IRS1: variants seen among roughly 807,000 people sequenced by gnomAD.
IRS1 encodes insulin receptor substrate 1.
In IRS1, 34 loss-of-function variants were observed where a neutral mutation model predicts 65.6. The observed-to-expected ratio is 0.52, with a 90% CI of 0.39 to 0.69. The LOEUF (loss-of-function observed/expected upper bound fraction) is 0.69. IRS1 is among the 30% of genes least tolerant of loss of function. The probability of loss-of-function intolerance (pLI) is 0.00; values close to 1 mark genes in which losing one functional copy is unlikely to be tolerated. For missense variants in IRS1, 1,641 were observed against 1,720.2 expected, an observed-to-expected ratio of 0.95 and a Z score of 0.81; for synonymous variants, 699 against 683.5, an observed-to-expected ratio of 1.02 and a Z score of -0.35.
In IRS1 at chr2:226,794,043, C is replaced by T. The variant is rs1370995156; in HGVS notation, c.*21+946G>A. Reference sequence around the variant, plus strand: ...TACAGTTTAGCCCTTCTACTCAATGCAAAACAAAACAAATTAAGGCATGTT... The same window carrying T: ...TACAGTTTAGCCCTTCTACTCAATGTAAAACAAAACAAATTAAGGCATGTT... On this transcript the variant is annotated intron_variant, in intron 1 of 1. Coordinates refer to ENST00000305123, the MANE Select transcript of IRS1 (RefSeq NM_005544.3). The surrounding 1 kb of genome is among the most constrained non-coding windows in gnomAD (Gnocchi z 4.1). 6.6e-6 allele frequency among the ~76,000 whole-genome samples: 1 copy of T among 152,138 alleles called. No individual in the cohort carries two copies. The highest frequency in any genetic ancestry group is 2.4e-5 in the African/African-American group (1 of 41,418).
At chr2:226,760,842 A>G (rs570612326) in intron 1 of IRS1, among the ~76,000 whole-genome samples, 1 of 152,230 alleles carries the variant, frequency 6.6e-6, no homozygotes, top group Non-Finnish European at 1.5e-5. Flanking sequence ...TTGAAAAGAT[A>G]TTGCAAGAAA....
intron 1 of IRS1, among the ~76,000 whole-genome samples, chr2:226,772,620 T>A (rs1939185800): frequency 6.6e-6 from 1 of 151,236 alleles, no homozygotes; most frequent in Admixed American, 6.6e-5. Context: ...GACAGGACCT[T>A]ATCAAGACAG....
Position 226,736,090 on chromosome 2 carries a change from G to A in IRS1, c.*182C>T, listed in dbSNP as rs1938318063. The A allele has an allele frequency of 6.6e-6, 1 of 152,340 alleles. No individual in the cohort carries two copies. Among genetic ancestry groups the A allele is most frequent in the South Asian group, 2.1e-4 (1 of 4,822 alleles). 9.4% of individuals were successfully genotyped at this position (152,340 alleles called of 1,614,324 possible). On this transcript the variant is annotated 3_prime_UTR_variant, in exon 2 of 2. Transcript: ENST00000305123. ...ATATAGAACGTGCAGTTCAGTCAAT[G>A]AAATCCTGAGGATTGGATAAAGTAA... is the stretch of plus-strand genomic sequence containing the variant.
In IRS1 at chr2:226,731,847, A is replaced by C. The variant is rs558750343; in HGVS notation, c.*4425T>G. On this transcript the variant is annotated 3_prime_UTR_variant, in exon 2 of 2. Coordinates refer to ENST00000305123, the MANE Select transcript of IRS1 (RefSeq NM_005544.3). ...TGAAGTTCTAAAAAGAAAAAGAAAA[A>C]AAAAACCCTACAAATGTCTATGCAA... 9 of 152,298 alleles carry C rather than the reference A, an allele frequency of 5.9e-5. No homozygotes were observed. The highest frequency in any genetic ancestry group is 9.6e-5 in the African/African-American group (4 of 41,562). The allele number at this position is 152,298 out of a possible 1,614,324, so 9.4% of individuals were successfully genotyped here.
intron 1 of IRS1, among the ~76,000 whole-genome samples, chr2:226,786,221 T>A (rs935819705): frequency 5.3e-5 from 8 of 151,810 alleles, no homozygotes; most frequent in Non-Finnish European, 7.4e-5. Flanking sequence ...CGTGTGTCTT[T>A]ATAGCAGCAT....
At chr2:226,764,419 C>A (rs900423179) in intron 1 of IRS1, among the ~76,000 whole-genome samples, 1 of 151,980 alleles carries the variant, frequency 6.6e-6, no homozygotes, top group Non-Finnish European at 1.5e-5. Flanking sequence ...TGGTGCTCAT[C>A]GTAGTCCAAG....
At chr2:226,741,039 T>C (rs1407650401) in intron 1 of IRS1, among the ~76,000 whole-genome samples, 1 of 152,040 alleles carries the variant, frequency 6.6e-6, no homozygotes, top group Non-Finnish European at 1.5e-5. Flanking sequence ...AGAAAATGTA[T>C]AAAATACAGG....
At position 226,732,556 on chromosome 2, in the gene IRS1, CTA is replaced by C. The variant is rs1340076355; in HGVS notation, c.*3714_*3715del. ...TATATCTATATATGTGTATATATAT[CTA>C]TATATGTGTGTATATATCTATATAT... On this transcript the variant is annotated 3_prime_UTR_variant, in exon 2 of 2. Transcript: ENST00000305123. 9 of 144,898 alleles carry C rather than the reference CTA, an allele frequency of 6.2e-5. No individual in the cohort carries two copies. The highest frequency in any genetic ancestry group is 2.0e-4 in the East Asian group (1 of 5,022). The allele number at this position is 144,898 out of a possible 1,614,324, so 9.0% of individuals were successfully genotyped here. A position where few individuals can be genotyped will look rare whatever the true frequency, so the allele number is the denominator to read the frequency against.
At position 226,799,311 on chromosome 2, in the gene IRS1, A is replaced by G; in HGVS notation, c.-573T>C. ...CCCCCCAACCGTCCCAGCCGCCACC[A>G]GCCGCCCAAATACCAGCTCAGTCGC... is the stretch of plus-strand genomic sequence containing the variant. On this transcript the variant is annotated 5_prime_UTR_variant, in exon 1 of 2. Transcript: ENST00000305123. This position sits in a 1 kb window ranked among gnomAD's most constrained non-coding sequence, Gnocchi z 6.1. The G allele has an allele frequency of 2.5e-6, 3 of 1,205,940 alleles. No individual in the cohort carries two copies. Among genetic ancestry groups the G allele is most frequent in the Non-Finnish European group, 3.2e-6 (3 of 941,938 alleles). 74.7% of individuals were successfully genotyped at this position (1,205,940 alleles called of 1,614,324 possible). A position where few individuals can be genotyped will look rare whatever the true frequency, so the allele number is the denominator to read the frequency against.
At chr2:226,738,217 G>A (rs540751863) in intron 1 of IRS1, among the ~76,000 whole-genome samples, 1 of 152,310 alleles carries the variant, frequency 6.6e-6, no homozygotes, top group East Asian at 1.9e-4. Context: ...ACGTAAGTGT[G>A]GACCGATATA....
At position 226,795,520 on chromosome 2, in the gene IRS1, G is replaced by A. The variant is rs761486707; in HGVS notation, c.3219C>T (p.Thr1073=). ...TGCGGTTAGGACTGAGGTTCACCCG[G>A]GTGAAGGCGCTCATGCCCCCAGGTC... The part of the protein sequence containing the change: ...PQGPGGMSAF[T]RVNLSPNRNQ... The change falls in exon 1 of 2, where the codon ACC becomes ACT. Residue 1073 remains threonine, a synonymous_variant. Coordinates refer to ENST00000305123, the MANE Select transcript of IRS1 (RefSeq NM_005544.3). The A allele has an allele frequency of 5.6e-6, 9 of 1,613,366 alleles. No individual in the cohort carries two copies. Among genetic ancestry groups the A allele is most frequent in the Non-Finnish European group, 7.6e-6 (9 of 1,180,014 alleles).
In IRS1 at chr2:226,796,775, T is replaced by C; in HGVS notation, c.1964A>G (p.Gln655Arg). Reference sequence around the variant, plus strand: ...CATGTAGCCATTGGGGTCCACTCTCTGGGGATGGCGTCTGATGGGATTGAT... The same window carrying C: ...CATGTAGCCATTGGGGTCCACTCTCCGGGGATGGCGTCTGATGGGATTGAT... ...QIINPIRRHP[Q>R]RVDPNGYMMM... is the part of the protein sequence containing the mutation. The change falls in exon 1 of 2, where the codon CAG (glutamine) becomes CGG (arginine). Residue 655 changes from glutamine to arginine, a missense_variant. By Grantham distance (43) the Gln-to-Arg change is conservative. This residue lies in a region of IRS1 where 1,324 missense variants were observed against 1,361.0 expected (regional missense o/e 0.97). Coordinates refer to ENST00000305123, the MANE Select transcript of IRS1 (RefSeq NM_005544.3). 6.3e-7 allele frequency: 1 copy of C among 1,593,102 alleles called. No individual in the cohort carries two copies. The highest frequency in any genetic ancestry group is 8.6e-7 in the Non-Finnish European group (1 of 1,168,226).
chr2:226,738,575 C>T (rs1286373319), intron 1 of IRS1, among the ~76,000 whole-genome samples: 2 of 152,124 alleles, frequency 1.3e-5, no homozygotes, highest in African/African-American at 4.8e-5. Flanking sequence ...CCTTTAATTG[C>T]CAGAGAAACA....
In IRS1 at chr2:226,797,722, T is replaced by C; in HGVS notation, c.1017A>G (p.Pro339=). 1 of 1,597,878 alleles carries C rather than the reference T, an allele frequency of 6.3e-7. No individual in the cohort carries two copies. The change falls in exon 1 of 2, where the codon CCA becomes CCG. Residue 339 remains proline, a synonymous_variant. Coordinates refer to ENST00000305123, the MANE Select transcript of IRS1 (RefSeq NM_005544.3). The surrounding 1 kb of genome is among the most constrained non-coding windows in gnomAD (Gnocchi z 8.1). Reference sequence around the variant, plus strand: ...TCACAGGGCTGCCGTCCACCGAGGCTGGGCGGGACATGGTGCCTTCGCCGT... The same window carrying C: ...TCACAGGGCTGCCGTCCACCGAGGCCGGGCGGGACATGGTGCCTTCGCCGT... ...SSDGEGTMSR[P]ASVDGSPVSP...
In IRS1 at chr2:226,798,625, A is replaced by G; in HGVS notation, c.114T>C (p.Ala38=). 1 of 1,612,946 alleles carries G rather than the reference A, an allele frequency of 6.2e-7. No homozygotes were observed. The change falls in exon 1 of 2, where the codon GCT becomes GCC. Residue 38 remains alanine, a synonymous_variant. Transcript: ENST00000305123. The surrounding 1 kb of genome is among the most constrained non-coding windows in gnomAD (Gnocchi z 9.4). ...RFFVLRAASE[A]GGPARLEYYE... is the part of the protein sequence containing the mutation. ...AGTACTCGAGGCGCGCCGGGCCCCCAGCCTCGCTGGCCGCGCGCAGTACGA... is the reference window on the plus strand; with the variant it reads ...AGTACTCGAGGCGCGCCGGGCCCCCGGCCTCGCTGGCCGCGCGCAGTACGA...
intron 1 of IRS1, among the ~76,000 whole-genome samples, chr2:226,789,215 T>C (rs1939544862): frequency 6.6e-6 from 1 of 152,138 alleles, no homozygotes; most frequent in African/African-American, 2.4e-5. Flanking sequence ...CTGATTATAG[T>C]GAGAGGATTG....
At position 226,796,179 on chromosome 2, in the gene IRS1, G is replaced by A. The variant is rs201638994; in HGVS notation, c.2560C>T (p.Arg854Cys). 1.3e-4 allele frequency: 217 copies of A among 1,613,714 alleles called. No individual in the cohort carries two copies. Among genetic ancestry groups the A allele is most frequent in the Admixed American group, 3.8e-4 (23 of 60,024 alleles). ...KVDTAAQTNS[R>C]LARPTRLSLG... ...GACAGCCTCGTGGGCCGGGCCAGGCGGCTATTGGTCTGAGCAGCTGTGTCC... is the reference window on the plus strand; with the variant it reads ...GACAGCCTCGTGGGCCGGGCCAGGCAGCTATTGGTCTGAGCAGCTGTGTCC... Residue 854 changes from arginine to cysteine, a missense_variant, in exon 1 of 2, where the codon CGC becomes TGC. Physicochemically the swap from Arg to Cys is radical, Grantham distance 180. Transcript: ENST00000305123.
Position 226,797,339 on chromosome 2 carries a change from C to T in IRS1, c.1400G>A (p.Cys467Tyr), listed in dbSNP as rs764398926. 1.9e-6 allele frequency: 3 copies of T among 1,613,382 alleles called. No homozygotes were observed. The highest frequency in any genetic ancestry group is 2.2e-5 in the South Asian group (2 of 91,068). The change falls in exon 1 of 2, where the codon TGC becomes TAC. Residue 467 changes from cysteine to tyrosine, a missense_variant. Around this residue, in one of 3 missense-constraint regions of IRS1, gnomAD observed 1,324 missense variants for 1,361.0 expected, o/e 0.97. Transcript: ENST00000305123. This position sits in a 1 kb window ranked among gnomAD's most constrained non-coding sequence, Gnocchi z 8.1. The part of the protein sequence containing the change: ...RGEEELSNYI[C>Y]MGGKGPSTLT... ...GGTGGAGGGCCCCTTGCCACCCATG[C>T]AGATATAGTTGCTTAGCTCCTCCTC...
Position 226,797,418 on chromosome 2 carries a change from A to C in IRS1, c.1321T>G (p.Ser441Ala). ...GAATCCGGAGTGACACTGCGGAAGG[A>C]ACTCCGGAAATCGCAGGGACTGGAG... is the stretch of plus-strand genomic sequence containing the variant. ...YGSSPCDFRS[S>A]FRSVTPDSLG... Residue 441 changes from serine (S) to alanine (A), a missense_variant, in exon 1 of 2, where the codon TCC (serine) becomes GCC (alanine). Physicochemically the swap from Ser to Ala is moderately conservative, Grantham distance 99. Transcript: ENST00000305123. The surrounding 1 kb of genome is among the most constrained non-coding windows in gnomAD (Gnocchi z 8.1). 1 of 1,612,836 alleles carries C rather than the reference A, an allele frequency of 6.2e-7. No individual in the cohort carries two copies.
Sources: allele counts gnomAD v4.1 joint callset (sites outside exome capture counted in the v4.1 genomes callset), GRCh38; gene constraint gnomAD v4.1.1; regional missense constraint gnomAD v4.1.1; non-coding constraint Gnocchi (gnomAD v3.1); transcripts MANE v1.5; gene names NCBI Gene and HGNC (gene_info 2026-07-23, HGNC 2026-07-21).